The following ANKRD17 variants were observed in gnomAD, a reference collection of about 807,000 sequenced individuals.
ANKRD17 encodes the protein ankyrin repeat domain-containing protein 17.
In ANKRD17, 19 loss-of-function variants were observed where a neutral mutation model predicts 229.7. The ratio of observed to expected loss-of-function variants is 0.08; its 90% CI spans 0.06 to 0.12. The LOEUF (loss-of-function observed/expected upper bound fraction) is 0.12. Ranked by LOEUF, ANKRD17 falls within the 10% of genes least tolerant of loss-of-function variation. The probability of loss-of-function intolerance (pLI) is 1.00; values close to 1 mark genes in which losing one functional copy is unlikely to be tolerated. For synonymous variants in ANKRD17, 1,112 were observed against 1,146.1 expected (o/e 0.97, Z 0.60); for missense variants, 2,176 against 3,176.8 (o/e 0.68, Z 7.57).
At chr4:73,140,694 C>A (rs550415787) in intron 14 of ANKRD17, among the ~76,000 whole-genome samples, 127 of 152,220 alleles carry the variant, frequency 8.3e-4, no homozygotes, top group Admixed American at 2.4e-3. Flanking sequence ...ACCTCTAAGT[C>A]AGGTTTTTTC....
intron 18 of ANKRD17, 51 bp from the exon 19 acceptor site, chr4:73,121,810 C>G (rs1726769174): frequency 1.3e-6 from 2 of 1,515,606 alleles, no homozygotes; most frequent in Non-Finnish European, 8.8e-7. Context: ...GACAAATTAC[C>G]AAAGTGTGTA....
chr4:73,156,054 A>G lies in ANKRD17; in HGVS notation c.817T>C (p.Leu273=). The G allele has an allele frequency of 6.2e-7, 1 of 1,610,348 alleles. No homozygotes were observed. The highest frequency in any genetic ancestry group is 8.5e-7 in the Non-Finnish European group (1 of 1,179,006). ...TCATAGTATCCAGCAGAACAAGCTAAACAAAGGAGGCTCTCCCCTTCCTCT... is the reference window on the plus strand; with the variant it reads ...TCATAGTATCCAGCAGAACAAGCTAGACAAAGGAGGCTCTCCCCTTCCTCT... ...HTEEGESLLC[L]ACSAGYYELA... is the part of the protein sequence containing the mutation. Residue 273 remains leucine, a synonymous_variant, in exon 4 of 34, where the codon TTA becomes CTA. Coordinates refer to ENST00000358602, the MANE Select transcript of ANKRD17 (RefSeq NM_032217.5).
intron 1 of ANKRD17, among the ~76,000 whole-genome samples, chr4:73,234,857 CTGTGGAAAAGAAGTCTTAAGAA>C (rs1456478125): frequency 6.6e-6 from 1 of 152,164 alleles, no homozygotes; most frequent in African/African-American, 2.4e-5. Flanking sequence ...TGACCTAGCA[CTGTGGAAAAGAAGTCTTAAGAA>C]AATTCTTAAG....
intron 1 of ANKRD17, among the ~76,000 whole-genome samples, chr4:73,191,661 A>T (rs1201364885): frequency 6.6e-6 from 1 of 151,976 alleles, no homozygotes; most frequent in Non-Finnish European, 1.5e-5. Context: ...AGAAATTTTT[A>T]AATTTTAGTA....
At chr4:73,204,659 A>G (rs1423877952) in intron 1 of ANKRD17, among the ~76,000 whole-genome samples, 1 of 152,144 alleles carries the variant, frequency 6.6e-6, no homozygotes, top group African/African-American at 2.4e-5. Flanking sequence ...ATATCTTTAA[A>G]TAATAAGAAT....
intron 1 of ANKRD17, among the ~76,000 whole-genome samples, chr4:73,217,198 C>A (rs529940465): frequency 6.6e-6 from 1 of 152,276 alleles, no homozygotes; most frequent in East Asian, 1.9e-4. Flanking sequence ...ATTGGACAAC[C>A]GTGCCTTTAC....
intron 24 of ANKRD17, chr4:73,112,641 A>G (rs760997369): frequency 1.6e-6 from 1 of 630,428 alleles, no homozygotes; most frequent in Non-Finnish European, 2.0e-6. Context: ...TGTAGGACAA[A>G]ATGTAGAACT....
At chr4:73,241,542 T>TA (rs1328691491) in intron 1 of ANKRD17, among the ~76,000 whole-genome samples, 11 of 152,306 alleles carry the variant, frequency 7.2e-5, no homozygotes, top group South Asian at 2.1e-4. Context: ...AGCCACTTTT[T>TA]AAAAAATTAC....
intron 5 of ANKRD17, 57 bp downstream of exon 5, chr4:73,155,574 T>A: frequency 6.4e-7 from 1 of 1,561,480 alleles, no homozygotes; most frequent in Non-Finnish European, 8.8e-7. Flanking sequence ...TCATGCAAAA[T>A]CATTATTACC....
intron 1 of ANKRD17, among the ~76,000 whole-genome samples, chr4:73,189,536 A>T (rs1032142749): frequency 2.0e-5 from 3 of 151,024 alleles, no homozygotes; most frequent in Non-Finnish European, 4.4e-5. Context: ...AGCTGGGACT[A>T]CAGGCGGTCA....
chr4:73,226,258 A>G lies in ANKRD17; in HGVS notation c.393+32018T>C, dbSNP rs1422505721. ...CCAAAGTGCTGGGATAACAGGCGTG[A>G]GCCACCGCGCCCGCCAGCATTTTTT... On this transcript the variant is annotated intron_variant, in intron 1 of 33. Transcript: ENST00000358602. Among the ~76,000 whole-genome samples the G allele has an allele frequency of 2.0e-5, 3 of 151,946 alleles. No individual in the cohort carries two copies. The East Asian group carries it at 5.9e-4, about 30-fold the overall frequency.
chr4:73,111,599 C>T (rs966118856), intron 24 of ANKRD17, among the ~76,000 whole-genome samples: 1 of 152,038 alleles, frequency 6.6e-6, no homozygotes, highest in African/African-American at 2.4e-5. Context: ...ATAAAAGGAG[C>T]AAAATATTTA....
At chr4:73,158,354 C>T (rs1000933969) in intron 3 of ANKRD17, among the ~76,000 whole-genome samples, 1 of 152,018 alleles carries the variant, frequency 6.6e-6, no homozygotes, top group Non-Finnish European at 1.5e-5. Context: ...TATCTCCTAC[C>T]CTCTCACCCT....
At chr4:73,211,014 A>C (rs1011181696) in intron 1 of ANKRD17, among the ~76,000 whole-genome samples, 1 of 152,072 alleles carries the variant, frequency 6.6e-6, no homozygotes, top group Non-Finnish European at 1.5e-5. Context: ...TATACTCTAA[A>C]CTACTTCAAA....
intron 1 of ANKRD17, among the ~76,000 whole-genome samples, chr4:73,209,223 C>T (rs1739930596): frequency 6.6e-6 from 1 of 151,702 alleles, no homozygotes; most frequent in South Asian, 2.1e-4. Flanking sequence ...AAAAACAAAA[C>T]AAAACAAAGA....
chr4:73,132,502 C>G (rs760933160), intron 16 of ANKRD17, among the ~76,000 whole-genome samples: 69 of 152,152 alleles, frequency 4.5e-4, no homozygotes, highest in African/African-American at 1.5e-3. Flanking sequence ...AAGGTAGGAA[C>G]TTTTTAATCT....
intron 22 of ANKRD17, among the ~76,000 whole-genome samples, chr4:73,117,515 G>C (rs1172500483): frequency 6.6e-6 from 1 of 152,212 alleles, no homozygotes; most frequent in Admixed American, 6.5e-5. Flanking sequence ...CAGCTAGCCA[G>C]TGAGAAGGAA....
chr4:73,077,718 C>A (rs1032880924), intron 31 of ANKRD17, among the ~76,000 whole-genome samples, 185 bp from the exon 32 acceptor site: 2 of 151,200 alleles, frequency 1.3e-5, no homozygotes, highest in Non-Finnish European at 2.9e-5. Context: ...ATGAAATAAT[C>A]TAAAAACTTG....
At chr4:73,111,007 T>C (rs1173549910) in intron 24 of ANKRD17, among the ~76,000 whole-genome samples, 3 of 152,296 alleles carry the variant, frequency 2.0e-5, no homozygotes, top group Middle Eastern at 3.4e-3. Flanking sequence ...GAAATGACAT[T>C]GGTGTATTGC....
Sources: gnomAD v4.1 joint callset for allele counts (sites outside exome capture counted in the v4.1 genomes callset) on GRCh38, gnomAD v4.1.1 for gene constraint, MANE v1.5 for transcripts, NCBI Gene and HGNC (gene_info 2026-07-23, HGNC 2026-07-21) for gene names.